ABLIM2: variants seen among roughly 807,000 people sequenced by gnomAD.
ABLIM2 encodes actin binding LIM protein family member 2.
In ABLIM2, 53 loss-of-function variants were observed where a neutral mutation model predicts 97.7. The observed-to-expected ratio is 0.54, with a 90% confidence interval of 0.44 to 0.68. ABLIM2 has a LOEUF of 0.68. ABLIM2 is among the 30% of genes least tolerant of loss of function. ABLIM2 has a pLI of 0.00. For missense variants in ABLIM2, 835 were observed against 867.2 expected (o/e 0.96, Z 0.47); for synonymous variants, 361 against 345.8 (o/e 1.04, Z -0.49).
At chr4:8,047,100 T>C (rs2151811695) in intron 8 of ABLIM2, among the ~76,000 whole-genome samples, 1 of 152,304 alleles carries the variant, frequency 6.6e-6, no homozygotes, top group South Asian at 2.1e-4. Flanking sequence ...CCAGCGAGGA[T>C]GGGCAACATC....
rs968871532 is a variant in ABLIM2 at position 8,125,804 on chromosome 4, C to T, written c.11-19167G>A. ...ACCTGCTGTCTGCTCTGGGCATCCACGGCTGTCCTCAGAATGCTCCAGCAC... is the reference window on the plus strand; with the variant it reads ...ACCTGCTGTCTGCTCTGGGCATCCATGGCTGTCCTCAGAATGCTCCAGCAC... On this transcript the variant is annotated intron_variant, in intron 1 of 20. Coordinates refer to ENST00000447017, the MANE Select transcript of ABLIM2 (RefSeq NM_001130083.2). The surrounding 1 kb of genome is among the most constrained non-coding windows in gnomAD (Gnocchi z 6.2). Among the ~76,000 whole-genome samples, 1 of 152,218 alleles carries T rather than the reference C, an allele frequency of 6.6e-6. No individual in the cohort carries two copies. The highest frequency in any genetic ancestry group is 6.5e-5 in the Admixed American group (1 of 15,288).
chr4:8,011,098 T>C (rs1764656657), intron 14 of ABLIM2, among the ~76,000 whole-genome samples: 1 of 152,210 alleles, frequency 6.6e-6, no homozygotes, highest in Non-Finnish European at 1.5e-5. Context: ...GAAGGGCCCT[T>C]GGGGACCTGA....
At chr4:8,126,384 G>A (rs1847935891) in intron 1 of ABLIM2, among the ~76,000 whole-genome samples, 1 of 151,838 alleles carries the variant, frequency 6.6e-6, no homozygotes, top group South Asian at 2.1e-4. Context: ...TGTACCCCCT[G>A]CTCTGCTTCC....
chr4:8,158,656 G>C (rs1433454826), intron 1 of ABLIM2, 24 bp downstream of exon 1: 5 of 1,503,656 alleles, frequency 3.3e-6, no homozygotes, highest in Non-Finnish European at 3.5e-6. Flanking sequence ...GGGACCCGTT[G>C]GTCCCTCGGT....
intron 20 of ABLIM2, among the ~76,000 whole-genome samples, chr4:7,969,716 TTC>T (rs987566596): frequency 5.5e-5 from 5 of 91,222 alleles, no homozygotes; most frequent in Non-Finnish European, 8.7e-5. Context: ...CAGTCTCTCT[TTC>T]TCTCTCTCTC....
rs1782449865 is a variant in ABLIM2, at chr4:8,033,710, C to T, written c.1047+2439G>A. 6.6e-6 allele frequency among the ~76,000 whole-genome samples: 1 copy of T among 152,236 alleles called. No homozygotes were observed. Among genetic ancestry groups the T allele is most frequent in the Non-Finnish European group, 1.5e-5 (1 of 68,038 alleles). ...CCTTCTCTGCCCTCTGGGGACAGGT[C>T]CTGGGGTCAGGATCATCCATGGTTC... On this transcript the variant is annotated intron_variant, in intron 10 of 20. Transcript: ENST00000447017. This position sits in a 1 kb window ranked among gnomAD's most constrained non-coding sequence, Gnocchi z 4.5.
rs1328746891 is a variant in ABLIM2 at position 7,992,641 on chromosome 4, AG to A, written c.1680+224del. ...CTGAGCTCTCCCTGGGGTCGGGGGC[AG>A]GGAGGCAGAGTGGGGAGGGTGTTGC... On this transcript the variant is annotated intron_variant, in intron 17 of 20. Transcript: ENST00000447017. This position sits in a 1 kb window ranked among gnomAD's most constrained non-coding sequence, Gnocchi z 5.7. Among the ~76,000 whole-genome samples the A allele has an allele frequency of 1.3e-5, 2 of 152,102 alleles. No homozygotes were observed. The highest frequency in any genetic ancestry group is 3.9e-4 in the East Asian group (2 of 5,182).
In ABLIM2 at chr4:8,112,332, G is replaced by C. The variant is rs772994050; in HGVS notation, c.11-5695C>G. On this transcript the variant is annotated intron_variant, in intron 1 of 20. Transcript: ENST00000447017. The surrounding 1 kb of genome is among the most constrained non-coding windows in gnomAD (Gnocchi z 4.2). ...CATCCAGGGGCAGCGGTGTGACCTT[G>C]GTGAATGGATTTAACTCTGCAAAGC... 2.0e-4 allele frequency among the ~76,000 whole-genome samples: 31 copies of C among 152,228 alleles called. No homozygotes were observed. Among genetic ancestry groups the C allele is most frequent in the Non-Finnish European group, 4.1e-4 (28 of 68,046 alleles).
In ABLIM2 at chr4:8,087,896, G is replaced by A. The variant is rs999294177; in HGVS notation, c.454+273C>T. Reference sequence around the variant, plus strand: ...CTGCCTCCTCACATTTATTCACAGCGTTCACTGCAGCTGCTGCTGCTCTGG... The same window carrying A: ...CTGCCTCCTCACATTTATTCACAGCATTCACTGCAGCTGCTGCTGCTCTGG... On this transcript the variant is annotated intron_variant, in intron 4 of 20. Transcript: ENST00000447017. The surrounding 1 kb of genome is among the most constrained non-coding windows in gnomAD (Gnocchi z 4.6). 2.6e-5 allele frequency among the ~76,000 whole-genome samples: 4 copies of A among 152,052 alleles called. No individual in the cohort carries two copies. Among genetic ancestry groups the A allele is most frequent in the South Asian group, 4.1e-4 (2 of 4,824 alleles).
In ABLIM2 at chr4:7,966,611, A is replaced by C; in HGVS notation, c.*379T>G. On this transcript the variant is annotated 3_prime_UTR_variant, in exon 21 of 21. Transcript: ENST00000447017. ...TCAGCAACCATCATCAACAAGCCTC[A>C]CAGCTCACGTCCCGGCCACCTCTGT... is the stretch of plus-strand genomic sequence containing the variant. 1 of 204,406 alleles carries C rather than the reference A, an allele frequency of 4.9e-6. No homozygotes were observed. The allele number at this position is 204,406 out of a possible 1,614,324, so 12.7% of individuals were successfully genotyped here.
chr4:8,077,613 G>T lies in ABLIM2; in HGVS notation c.675+15C>A. The T allele has an allele frequency of 6.3e-7, 1 of 1,593,550 alleles. No individual in the cohort carries two copies. Among genetic ancestry groups the T allele is most frequent in the East Asian group, 2.3e-5 (1 of 43,938 alleles). ...CTAGCTCAGAGCGGGCAGGGGCCCG[G>T]CCCGCCGCGCTTACCTCCAGCACGC... On this transcript the variant is annotated intron_variant, in intron 6 of 20. Coordinates refer to ENST00000447017, the MANE Select transcript of ABLIM2 (RefSeq NM_001130083.2).
chr4:8,055,518 G>T (rs760221176), intron 7 of ABLIM2, among the ~76,000 whole-genome samples: 2 of 152,260 alleles, frequency 1.3e-5, no homozygotes, highest in Non-Finnish European at 2.9e-5. Context: ...CTAGGTGCAT[G>T]GCTGTGTCTC....
In ABLIM2 at chr4:8,075,527, T is replaced by C. The variant is rs1815460702; in HGVS notation, c.675+2101A>G. 6.6e-6 allele frequency among the ~76,000 whole-genome samples: 1 copy of C among 151,964 alleles called. No homozygotes were observed. ...GGGTGACATAGTGAGACCCTGTCTC[T>C]ACAAAAACTACAAAAATTAGCCAGG... On this transcript the variant is annotated intron_variant, in intron 6 of 20. Coordinates refer to ENST00000447017, the MANE Select transcript of ABLIM2 (RefSeq NM_001130083.2). This position sits in a 1 kb window ranked among gnomAD's most constrained non-coding sequence, Gnocchi z 4.4.
intron 9 of ABLIM2, 100 bp from the exon 10 acceptor site, chr4:8,036,395 A>T (rs899829888): frequency 7.1e-7 from 1 of 1,410,058 alleles, no homozygotes; most frequent in Non-Finnish European, 9.7e-7. Context: ...AGTGCCCCCA[A>T]AGCCAGATGC....
intron 13 of ABLIM2, 85 bp downstream of exon 13, chr4:8,020,117 A>G: frequency 2.3e-6 from 3 of 1,301,060 alleles, no homozygotes; most frequent in Non-Finnish European, 1.1e-6. Flanking sequence ...TGCTGAGTCA[A>G]GGCAAGCTGA....
chr4:8,097,370 A>AC lies in ABLIM2; in HGVS notation c.155-89dup, dbSNP rs1435850393. 16 of 1,450,540 alleles carry AC rather than the reference A, an allele frequency of 1.1e-5. No homozygotes were observed. The Admixed American group carries it at 3.2e-4, about 29-fold the overall frequency. The allele number at this position is 1,450,540 out of a possible 1,614,324, so 89.9% of individuals were successfully genotyped here. A position where few individuals can be genotyped will look rare whatever the true frequency, so the allele number is the denominator to read the frequency against. On this transcript the variant is annotated intron_variant, in intron 2 of 20. Transcript: ENST00000447017. ...CCGAGGTGCACCCCCCTCCACACAC[A>AC]CACCACCACCTGACACAGGCACTGA...
At chr4:7,973,899 T>C (rs1191812341) in intron 20 of ABLIM2, among the ~76,000 whole-genome samples, 2 of 152,172 alleles carry the variant, frequency 1.3e-5, no homozygotes, top group Admixed American at 1.3e-4. Flanking sequence ...TGTGAAAGTG[T>C]GCTGCAGATG....
In ABLIM2 at chr4:8,090,683, T is replaced by C. The variant is rs143966558; in HGVS notation, c.339-2399A>G. Among the ~76,000 whole-genome samples the C allele has an allele frequency of 2.7e-3, 404 of 152,304 alleles. 1 individual carries two copies. The highest frequency in any genetic ancestry group is 9.5e-3 in the African/African-American group (394 of 41,562). ...TGGCCCCAGACACTGTGATTGTCAC[T>C]GTCACCGTGCATTAGATTTGTCTTT... is the stretch of plus-strand genomic sequence containing the variant. On this transcript the variant is annotated intron_variant, in intron 3 of 20. Transcript: ENST00000447017.
chr4:8,102,959 A>G (rs2152722807), intron 2 of ABLIM2, among the ~76,000 whole-genome samples: 1 of 152,236 alleles, frequency 6.6e-6, no homozygotes, highest in South Asian at 2.1e-4. Flanking sequence ...AATGAGAGGG[A>G]GGGTTATGCG....
Sources: gnomAD v4.1 joint callset for allele counts (sites outside exome capture counted in the v4.1 genomes callset) on GRCh38, gnomAD v4.1.1 for gene constraint, Gnocchi (gnomAD v3.1) non-coding constraint, MANE v1.5 for transcripts, NCBI Gene and HGNC (gene_info 2026-07-23, HGNC 2026-07-21) for gene names.